The following CLCA2 variants were observed in gnomAD, a reference collection of about 807,000 sequenced individuals.
CLCA2 encodes the protein calcium-activated chloride channel regulator 2.
A neutral mutation model predicts 82.9 loss-of-function variants in CLCA2; 85 were observed. The ratio of observed to expected loss-of-function variants is 1.03; its 90% confidence interval spans 0.86 to 1.23. The LOEUF (loss-of-function observed/expected upper bound fraction) is 1.23. CLCA2 is among the 50% of genes most tolerant of loss of function. The probability of loss-of-function intolerance (pLI) is 0.00; values close to 1 mark genes in which losing one functional copy is unlikely to be tolerated. For missense variants in CLCA2, 1,089 were observed against 1,124.8 expected (o/e 0.97, Z 0.45); for synonymous variants, 421 against 391.7 (o/e 1.07, Z -0.88).
At chr1:86,453,220 A>C (rs921563650) in intron 12 of CLCA2, 149 bp from the exon 13 acceptor site, 54 of 613,732 alleles carry the variant, frequency 8.8e-5, no homozygotes, top group Non-Finnish European at 1.4e-4. Context: ...TGGATGAATT[A>C]GTGTTCAAAG....
intron 12 of CLCA2, among the ~76,000 whole-genome samples, chr1:86,451,469 C>T (rs1402859470): frequency 6.6e-6 from 1 of 152,118 alleles, no homozygotes; most frequent in Non-Finnish European, 1.5e-5. Flanking sequence ...TGATTCTATA[C>T]TTTTTGTTTA....
At position 86,439,115 on chromosome 1, in the gene CLCA2, G is replaced by A. The variant is rs1352042143; in HGVS notation, c.1203+9G>A. ...TTAAGAAAGGATTTGAGGTACAGTA[G>A]AGCATCCTAAGCCTTGGATCACCAT... is the stretch of plus-strand genomic sequence containing the variant. On this transcript the variant is annotated intron_variant, in intron 7 of 13. Transcript: ENST00000370565. 1.2e-6 allele frequency: 2 copies of A among 1,611,132 alleles called. No individual in the cohort carries two copies. The highest frequency in any genetic ancestry group is 2.2e-5 in the East Asian group (1 of 44,814).
Position 86,425,483 on chromosome 1 carries a change from A to G in CLCA2, c.324+7A>G, listed in dbSNP as rs1197440711. The G allele has an allele frequency of 6.6e-7, 1 of 1,524,128 alleles. No homozygotes were observed. Among genetic ancestry groups the G allele is most frequent in the Non-Finnish European group, 8.8e-7 (1 of 1,132,002 alleles). The allele number at this position is 1,524,128 out of a possible 1,614,324, so 94.4% of individuals were successfully genotyped here. ...ACAAGAATCATATGAAAAGGTAAGA[A>G]TCCAGGATTTCATTCAATGATCTCA... On this transcript the variant is annotated splice_region_variant and intron_variant, in intron 2 of 13. Transcript: ENST00000370565.
At chr1:86,440,097 A>T in intron 7 of CLCA2, 51 bp from the exon 8 acceptor site, 1 of 1,574,090 alleles carries the variant, frequency 6.4e-7, no homozygotes. Flanking sequence ...TTTGCTCAAT[A>T]AAACAATTTG....
At chr1:86,444,383 T>A (rs528551065) in intron 10 of CLCA2, among the ~76,000 whole-genome samples, 6 of 152,242 alleles carry the variant, frequency 3.9e-5, no homozygotes, top group Non-Finnish European at 8.8e-5. Flanking sequence ...ATGTGGTTTT[T>A]AGCATCTACT....
chr1:86,429,396 C>T (rs557139629), intron 3 of CLCA2, among the ~76,000 whole-genome samples: 1 of 152,238 alleles, frequency 6.6e-6, no homozygotes, highest in East Asian at 1.9e-4. Context: ...GCAAGAGGCA[C>T]GTGGAGACAG....
chr1:86,443,637 AT>A (rs1281376692), intron 9 of CLCA2, 149 bp from the exon 10 acceptor site: 18 of 612,980 alleles, frequency 2.9e-5, no homozygotes, highest in Non-Finnish European at 3.8e-5. Context: ...TTTGCAAAGT[AT>A]TTTTTATGAA....
At chr1:86,434,827 TG>T in intron 6 of CLCA2, 82 bp downstream of exon 6, 1 of 1,147,800 alleles carries the variant, frequency 8.7e-7, no homozygotes. Flanking sequence ...TTTTAAGTTC[TG>T]GGGTACATGT....
rs1313092840 is a variant in CLCA2 at position 86,425,408 on chromosome 1, A to C, written c.256A>C (p.Lys86Gln). Residue 86 changes from lysine (K) to glutamine (Q), a missense_variant, in exon 2 of 14, where the codon AAG becomes CAG. Physicochemically the swap from Lys to Gln is moderately conservative, Grantham distance 53. Transcript: ENST00000370565. ...GAGAAGAGTATTTTTCAGAAATATA[A>C]AGATTTTAATACCTGCCACATGGAA... ...TKRRVFFRNI[K>Q]ILIPATWKAN... 6.3e-7 allele frequency: 1 copy of C among 1,577,506 alleles called. No individual in the cohort carries two copies. Among genetic ancestry groups the C allele is most frequent in the Non-Finnish European group, 8.6e-7 (1 of 1,160,184 alleles).
At chr1:86,431,917 GT>G (rs1662505473) in intron 4 of CLCA2, among the ~76,000 whole-genome samples, 1 of 152,030 alleles carries the variant, frequency 6.6e-6, no homozygotes, top group Non-Finnish European at 1.5e-5. Flanking sequence ...TTTTTTGTTT[GT>G]TTTTGTTGTT....
At chr1:86,426,803 A>G (rs1335662725) in intron 2 of CLCA2, among the ~76,000 whole-genome samples, 1 of 152,160 alleles carries the variant, frequency 6.6e-6, no homozygotes, top group Non-Finnish European at 1.5e-5. Flanking sequence ...CTAGCTGTCA[A>G]TAGAGATTTA....
rs577354062 is a variant in CLCA2, at chr1:86,426,766, T to A, written c.324+1290T>A. On this transcript the variant is annotated intron_variant, in intron 2 of 13. Transcript: ENST00000370565. ...AATGTCTATTTGCCTCCAAAACCCATGCTTTTTGCACTAAGCTTTGTTGTC... is the reference window on the plus strand; with the variant it reads ...AATGTCTATTTGCCTCCAAAACCCAAGCTTTTTGCACTAAGCTTTGTTGTC... Among the ~76,000 whole-genome samples the A allele has an allele frequency of 5.4e-4, 82 of 152,300 alleles. 1 individual carries two copies. The highest frequency in any genetic ancestry group is 1.8e-3 in the African/African-American group (74 of 41,578).
chr1:86,447,238 T>C (rs947713126), intron 10 of CLCA2, among the ~76,000 whole-genome samples: 11 of 152,186 alleles, frequency 7.2e-5, no homozygotes, highest in African/African-American at 2.7e-4. Flanking sequence ...GGAATCAAGA[T>C]GTATCCTCCC....
intron 2 of CLCA2, among the ~76,000 whole-genome samples, chr1:86,426,604 G>A (rs1390954186): frequency 2.0e-5 from 3 of 152,120 alleles, no homozygotes; most frequent in Non-Finnish European, 2.9e-5. Flanking sequence ...TAAGTGCCAG[G>A]CATTTTACAT....
rs771656068 is a variant in CLCA2 at position 86,447,489 on chromosome 1, A to C, written c.1714-19A>C. The C allele has an allele frequency of 1.2e-6, 2 of 1,605,824 alleles. No individual in the cohort carries two copies. The highest frequency in any genetic ancestry group is 1.3e-5 in the African/African-American group (1 of 74,672). On this transcript the variant is annotated intron_variant, in intron 10 of 13. Transcript: ENST00000370565. ...ATTTTTTTTTCACACTTTCCAAAACAATAAGACTTGTTTTACAGCCTGGGC... is the reference window on the plus strand; with the variant it reads ...ATTTTTTTTTCACACTTTCCAAAACCATAAGACTTGTTTTACAGCCTGGGC...
intron 2 of CLCA2, among the ~76,000 whole-genome samples, chr1:86,426,691 T>G (rs890056590): frequency 6.6e-6 from 1 of 152,184 alleles, no homozygotes; most frequent in Non-Finnish European, 1.5e-5. Context: ...GAATAAGGTA[T>G]GGACTTTGTC....
At chr1:86,444,170 T>C (rs1378838438) in intron 10 of CLCA2, among the ~76,000 whole-genome samples, 159 bp downstream of exon 10, 1 of 152,224 alleles carries the variant, frequency 6.6e-6, no homozygotes, top group Admixed American at 6.5e-5. Context: ...ATTAAAAATT[T>C]AAGAGGAATA....
chr1:86,438,103 T>C (rs1013684180), intron 6 of CLCA2, among the ~76,000 whole-genome samples: 11 of 152,060 alleles, frequency 7.2e-5, no homozygotes, highest in Non-Finnish European at 1.0e-4. Context: ...TCCTAAGAAG[T>C]GTGAAATGCA....
chr1:86,445,041 C>T (rs906363814), intron 10 of CLCA2, among the ~76,000 whole-genome samples: 4 of 152,080 alleles, frequency 2.6e-5, no homozygotes, highest in Non-Finnish European at 4.4e-5. Flanking sequence ...GGACTACAGG[C>T]ACTTGCCACC....
Sources: allele counts gnomAD v4.1 joint callset (sites outside exome capture counted in the v4.1 genomes callset), GRCh38; gene constraint gnomAD v4.1.1; transcripts MANE v1.5; gene names NCBI Gene and HGNC (gene_info 2026-07-23, HGNC 2026-07-21).